The following SOD2 variants were observed in gnomAD, a reference collection of about 807,000 sequenced individuals.
SOD2 encodes the protein superoxide dismutase 2, also known as superoxide dismutase [Mn], mitochondrial.
A neutral mutation model predicts 27.0 loss-of-function variants in SOD2; 11 were observed. The observed-to-expected ratio is 0.41, with a 90% confidence interval of 0.26 to 0.67. The LOEUF is 0.67. SOD2 is among the 30% of genes least tolerant of loss of function. The pLI is 0.34. For missense variants in SOD2, 250 were observed against 274.5 expected, an observed-to-expected ratio of 0.91 and a Z score of 0.63; for synonymous variants, 105 against 103.0, an observed-to-expected ratio of 1.02 and a Z score of -0.12.
chr6:159,755,217 C>T, intron 1 of SOD2: 2 of 1,614,168 alleles, frequency 1.2e-6, no homozygotes, highest in Non-Finnish European at 8.5e-7. Context: ...TCAGAGGCCA[C>T]AAGTAAAGAC....
chr6:159,692,289 C>A, intron 2 of SOD2: 1 of 725,914 alleles, frequency 1.4e-6, no homozygotes, highest in Non-Finnish European at 1.9e-6. Context: ...CCCCAAAGCA[C>A]ATTATACAAC....
chr6:159,741,289 G>C lies in SOD2; in HGVS notation c.-116+3841C>G, dbSNP rs530166144. On this transcript the variant is annotated intron_variant, in intron 1 of 3. Coordinates refer to the SOD2 transcript ENST00000537657. Reference sequence around the variant, plus strand: ...TCTGATAGCATATGGCATTTATGCAGGTTTCTGACAGTTAGATGTGATTGT... The same window carrying C: ...TCTGATAGCATATGGCATTTATGCACGTTTCTGACAGTTAGATGTGATTGT... 2.4e-3 allele frequency among the ~76,000 whole-genome samples: 369 copies of C among 152,278 alleles called. 2 individuals carry two copies. Among genetic ancestry groups the C allele is most frequent in the African/African-American group, 8.3e-3 (344 of 41,552 alleles).
At chr6:159,760,321 G>A (rs1780097250) in intron 1 of SOD2, 1 of 152,246 alleles carries the variant, frequency 6.6e-6, no homozygotes, top group Non-Finnish European at 1.5e-5. Flanking sequence ...TCAGGCTGGA[G>A]TGCAGTGGTG....
intron 1 of SOD2, chr6:159,755,447 A>G (rs149103382): frequency 3.7e-4 from 603 of 1,614,070 alleles, no homozygotes; most frequent in Non-Finnish European, 4.9e-4. Flanking sequence ...AGACTCTCCC[A>G]CGGGCAGTGA....
At chr6:159,709,573 T>A (rs2114818104) in intron 1 of SOD2, among the ~76,000 whole-genome samples, 1 of 152,224 alleles carries the variant, frequency 6.6e-6, no homozygotes, top group East Asian at 1.9e-4. Flanking sequence ...TGAGATATCA[T>A]CTCACATCAG....
At chr6:159,741,439 C>T (rs943194894) in intron 1 of SOD2, among the ~76,000 whole-genome samples, 2 of 152,138 alleles carry the variant, frequency 1.3e-5, no homozygotes, top group Admixed American at 1.3e-4. Flanking sequence ...TTCAATTCTA[C>T]ATAATGAGGC....
In SOD2 at chr6:159,677,496, G is replaced by A. The variant is rs893836103; in HGVS notation, c.*4997C>T. The A allele has an allele frequency of 2.6e-5, 4 of 152,154 alleles. No homozygotes were observed. The highest frequency in any genetic ancestry group is 2.6e-4 in the Admixed American group (4 of 15,266). 9.4% of individuals were successfully genotyped at this position (152,154 alleles called of 1,614,324 possible). A position where few individuals can be genotyped will look rare whatever the true frequency, so the allele number is the denominator to read the frequency against. On this transcript the variant is annotated 3_prime_UTR_variant, in exon 5 of 5. Transcript: ENST00000538183. ...TAGGAAGAGTGGTACCAGGTGGTAA[G>A]CTCCTATATTCCAATGACCAGAGTA... is the stretch of plus-strand genomic sequence containing the variant.
At chr6:159,760,026 T>G (rs1430252495) in intron 1 of SOD2, among the ~76,000 whole-genome samples, 3 of 152,240 alleles carry the variant, frequency 2.0e-5, no homozygotes, top group Admixed American at 6.5e-5. Context: ...GGAAAGCTTA[T>G]GTAGTCAGTA....
At chr6:159,693,313 G>A (rs1583023315), upstream of SOD2, 3 of 460,632 alleles carry the variant, frequency 6.5e-6, no homozygotes, top group South Asian at 7.1e-5. Flanking sequence ...TGCGCCGCAA[G>A]GGCACCGCCG....
At chr6:159,709,356 C>G (rs1001898904) in intron 1 of SOD2, among the ~76,000 whole-genome samples, 6 of 151,908 alleles carry the variant, frequency 3.9e-5, no homozygotes, top group African/African-American at 9.7e-5. Flanking sequence ...AAAATTTTTG[C>G]AATCTACTCA....
upstream of SOD2, among the ~76,000 whole-genome samples, chr6:159,732,167 GA>G (rs571126927): frequency 2.1e-4 from 32 of 152,080 alleles, no homozygotes; most frequent in Admixed American, 1.6e-3. Flanking sequence ...GAGTTTGATT[GA>G]AAAAAATCCA....
intron 1 of SOD2, among the ~76,000 whole-genome samples, chr6:159,721,131 A>C (rs1164057077): frequency 6.7e-6 from 1 of 149,232 alleles, no homozygotes; most frequent in Non-Finnish European, 1.5e-5. Flanking sequence ...GCAATGGCAC[A>C]ATCTCAGCTC....
At chr6:159,717,640 T>C (rs1471751952) in intron 1 of SOD2, among the ~76,000 whole-genome samples, 2 of 152,308 alleles carry the variant, frequency 1.3e-5, no homozygotes, top group Admixed American at 6.5e-5. Flanking sequence ...AATGGTGCTG[T>C]AGAACACTAG....
intron 1 of SOD2, among the ~76,000 whole-genome samples, chr6:159,739,387 TTTC>T (rs1440565473): frequency 1.3e-5 from 2 of 152,176 alleles, no homozygotes; most frequent in African/African-American, 4.8e-5. Context: ...GAGGTTACTT[TTTC>T]TTATTAGTGT....
At chr6:159,710,293 T>C (rs1777709187) in intron 1 of SOD2, among the ~76,000 whole-genome samples, 4 of 108,560 alleles carry the variant, frequency 3.7e-5, no homozygotes, top group Admixed American at 9.6e-5. Context: ...ATATATAAAA[T>C]ACAAAAATTA....
At position 159,676,284 on chromosome 6, in the gene SOD2, A is replaced by G. The variant is rs890035988; in HGVS notation, c.*6209T>C. ...AGGATTATAAATCATGCTGCTATAA[A>G]GACACATGCACACGTATATTTATTG... On this transcript the variant is annotated 3_prime_UTR_variant, in exon 5 of 5. Coordinates refer to ENST00000538183, the MANE Select transcript of SOD2 (RefSeq NM_000636.4). The G allele has an allele frequency of 6.6e-5, 10 of 152,334 alleles. No homozygotes were observed. Among genetic ancestry groups the G allele is most frequent in the African/African-American group, 2.4e-4 (10 of 41,570 alleles). The allele number at this position is 152,334 out of a possible 1,614,324, so 9.4% of individuals were successfully genotyped here.
exon 1 of SOD2, chr6:159,762,221 G>A (rs1780153883): frequency 6.0e-6 from 9 of 1,493,704 alleles, no homozygotes; most frequent in Non-Finnish European, 8.1e-6. Context: ...GACTTGTGTA[G>A]GAGAGGGGCG....
At position 159,755,655 on chromosome 6, in the gene SOD2, G is replaced by A. The variant is rs774681809; in HGVS notation, c.-336+5382C>T. The A allele has an allele frequency of 5.3e-6, 8 of 1,504,172 alleles. No individual in the cohort carries two copies. In the South Asian group the frequency reaches 9.3e-5, roughly 17 times the overall value. 93.2% of individuals were successfully genotyped at this position (1,504,172 alleles called of 1,614,324 possible). On this transcript the variant is annotated intron_variant, in intron 1 of 7. Coordinates refer to the SOD2 transcript ENST00000546087. ...TTATACAGTGTCATTTAATTTGGGA[G>A]AGGATACTGTCCAGAAAATTAATGC...
At chr6:159,687,997 G>A (rs1780270326) in intron 3 of SOD2, 129 bp downstream of exon 3, 1 of 659,616 alleles carries the variant, frequency 1.5e-6, no homozygotes. Flanking sequence ...GGCAACAAGA[G>A]CAAAACTCTT....
Sources: allele counts gnomAD v4.1 joint callset (sites outside exome capture counted in the v4.1 genomes callset), GRCh38; gene constraint gnomAD v4.1.1; transcripts MANE v1.5; gene names NCBI Gene and HGNC (gene_info 2026-07-23, HGNC 2026-07-21).